Variants in TCF4 observed in about 807,000 individuals in gnomAD.
TCF4 encodes SL3-3 enhancer factor 2.
In TCF4, 3 loss-of-function variants were observed where a neutral mutation model predicts 82.1. The ratio of observed to expected loss-of-function variants is 0.04; its 90% CI spans 0.02 to 0.09. TCF4 has a LOEUF of 0.09. TCF4 is among the 10% of genes least tolerant of loss of function. The probability of loss-of-function intolerance (pLI) is 1.00; values close to 1 mark genes in which losing one functional copy is unlikely to be tolerated. For missense variants in TCF4, 518 were observed against 852.7 expected (o/e 0.61, Z 4.89); for synonymous variants, 276 against 309.6 (o/e 0.89, Z 1.14).
chr18:55,630,287 C>G (rs1209667214), intron 2 of TCF4, among the ~76,000 whole-genome samples: 1 of 151,982 alleles, frequency 6.6e-6, no homozygotes, highest in Non-Finnish European at 1.5e-5. Context: ...TTATTGAATT[C>G]ACAAAATTTT....
chr18:55,252,915 G>A (rs1436519630), intron 15 of TCF4, among the ~76,000 whole-genome samples: 1 of 152,092 alleles, frequency 6.6e-6, no homozygotes, highest in East Asian at 1.9e-4. Flanking sequence ...TGCATCCCAA[G>A]TGTATTTAAC....
intron 3 of TCF4, among the ~76,000 whole-genome samples, chr18:55,513,277 A>G (rs774261655): frequency 1.3e-4 from 20 of 151,742 alleles, no homozygotes; most frequent in Non-Finnish European, 2.6e-4. Flanking sequence ...ACTGGACAAA[A>G]CCTCTCTGAG....
intron 6 of TCF4, among the ~76,000 whole-genome samples, chr18:55,388,629 G>A (rs1372033526): frequency 6.6e-6 from 1 of 152,080 alleles, no homozygotes; most frequent in Non-Finnish European, 1.5e-5. Context: ...ATAGAGAGCT[G>A]GAACCATCTA....
At chr18:55,277,530 A>T (rs941866569) in intron 9 of TCF4, among the ~76,000 whole-genome samples, 2 of 152,118 alleles carry the variant, frequency 1.3e-5, no homozygotes, top group Admixed American at 1.3e-4. Context: ...ATCTTGGCAT[A>T]ATGTTCTTTT....
intron 2 of TCF4, among the ~76,000 whole-genome samples, chr18:55,616,608 A>T (rs1234475159): frequency 6.6e-6 from 1 of 152,040 alleles, no homozygotes; most frequent in African/African-American, 2.4e-5. Context: ...CAATTTCTTC[A>T]CATCCTCACC....
At chr18:55,371,641 T>C (rs1171054367) in intron 6 of TCF4, among the ~76,000 whole-genome samples, 4 of 152,022 alleles carry the variant, frequency 2.6e-5, no homozygotes, top group African/African-American at 9.7e-5. Context: ...ATTTACAGCA[T>C]GGATTTTAAT....
chr18:55,280,909 A>C (rs979726040), intron 8 of TCF4, among the ~76,000 whole-genome samples: 11 of 152,166 alleles, frequency 7.2e-5, no homozygotes, highest in African/African-American at 2.7e-4. Flanking sequence ...ACAGAGACAG[A>C]TGTGGGAAAA....
chr18:55,576,355 T>C (rs2097528001), intron 3 of TCF4, among the ~76,000 whole-genome samples: 2 of 152,292 alleles, frequency 1.3e-5, no homozygotes, highest in Non-Finnish European at 1.5e-5. Context: ...GACACTACCA[T>C]TAAAAACATA....
chr18:55,446,639 GA>G (rs2095530230), intron 5 of TCF4, among the ~76,000 whole-genome samples: 1 of 152,126 alleles, frequency 6.6e-6, no homozygotes, highest in South Asian at 2.1e-4. Context: ...GAGCAAGCAG[GA>G]TAATATGTGT....
intron 8 of TCF4, among the ~76,000 whole-genome samples, chr18:55,299,158 C>G (rs1431674115): frequency 1.3e-5 from 2 of 152,182 alleles, no homozygotes; most frequent in African/African-American, 4.8e-5. Flanking sequence ...CGCCTATAAT[C>G]CCAGCACTTT....
chr18:55,529,729 A>G lies in TCF4; in HGVS notation c.145+55551T>C, dbSNP rs149271095. ...GCAACTCCGCGATGGCTACAGTAAC[A>G]CATTTCTAAAGGGAAGTAAATTGCC... On this transcript the variant is annotated intron_variant, in intron 3 of 19. Transcript: ENST00000354452. Among the ~76,000 whole-genome samples the G allele has an allele frequency of 4.6e-4, 70 of 152,282 alleles. 1 individual carries two copies. Among genetic ancestry groups the G allele is most frequent in the Non-Finnish European group, 8.1e-4 (55 of 68,018 alleles).
intron 8 of TCF4, among the ~76,000 whole-genome samples, chr18:55,313,147 G>A (rs1045056377): frequency 1.3e-5 from 2 of 152,066 alleles, no homozygotes; most frequent in African/African-American, 4.8e-5. Context: ...GAACAGAGAA[G>A]AACATCATTT....
At chr18:55,339,642 A>G (rs1251780918) in intron 8 of TCF4, among the ~76,000 whole-genome samples, 1 of 152,158 alleles carries the variant, frequency 6.6e-6, no homozygotes, top group Non-Finnish European at 1.5e-5. Flanking sequence ...AAAGACATTC[A>G]TTGTGGAATG....
At chr18:55,363,629 C>T (rs1031136699) in intron 6 of TCF4, among the ~76,000 whole-genome samples, 2 of 152,036 alleles carry the variant, frequency 1.3e-5, no homozygotes, top group African/African-American at 2.4e-5. Flanking sequence ...CACGGCGAAA[C>T]CCCATGTCTC....
At position 55,228,008 on chromosome 18, in the gene TCF4, T is replaced by G; in HGVS notation, c.*27A>C. ...TTAAGGAAGTGGTCTCTTGTTTTAATGAAGCAATGTGGCAACTTGGACCTG... is the reference window on the plus strand; with the variant it reads ...TTAAGGAAGTGGTCTCTTGTTTTAAGGAAGCAATGTGGCAACTTGGACCTG... On this transcript the variant is annotated 3_prime_UTR_variant, in exon 20 of 20. Transcript: ENST00000354452. 1 of 560,144 alleles carries G rather than the reference T, an allele frequency of 1.8e-6. No individual in the cohort carries two copies. The highest frequency in any genetic ancestry group is 2.1e-5 in the South Asian group (1 of 48,204). 34.7% of individuals were successfully genotyped at this position (560,144 alleles called of 1,614,324 possible).
intron 6 of TCF4, among the ~76,000 whole-genome samples, chr18:55,400,625 A>G (rs1362967331): frequency 6.6e-6 from 1 of 152,208 alleles, no homozygotes; most frequent in Non-Finnish European, 1.5e-5. Flanking sequence ...ATCCATTTAA[A>G]AAAGCGTCAT....
chr18:55,266,435 AC>A (rs2059195941), intron 11 of TCF4: 1 of 152,134 alleles, frequency 6.6e-6, no homozygotes, highest in Non-Finnish European at 1.5e-5. Context: ...TCTTTCCTTA[AC>A]TGGGTGCGCC....
At chr18:55,278,709 C>T in intron 9 of TCF4, among the ~76,000 whole-genome samples, 1 of 152,136 alleles carries the variant, frequency 6.6e-6, no homozygotes, top group East Asian at 1.9e-4. Context: ...GCTGGGACTA[C>T]AGGTGCCCAC....
At chr18:55,534,397 CACTGGGGGTGCTTT>C (rs1278852747) in intron 3 of TCF4, among the ~76,000 whole-genome samples, 1 of 152,170 alleles carries the variant, frequency 6.6e-6, no homozygotes, top group Non-Finnish European at 1.5e-5. Flanking sequence ...CAAATAAGGG[CACTGGGGGTGCTTT>C]ACTGAGGAAG....
Sources: gnomAD v4.1 joint callset for allele counts (sites outside exome capture counted in the v4.1 genomes callset) on GRCh38, gnomAD v4.1.1 for gene constraint, MANE v1.5 for transcripts, NCBI Gene and HGNC (gene_info 2026-07-23, HGNC 2026-07-21) for gene names.